The following NELL2 variants were observed in gnomAD, a reference collection of about 807,000 sequenced individuals.
NELL2 encodes protein kinase C-binding protein NELL2.
NELL2 carries 41 observed loss-of-function variants against 109.6 expected under a neutral mutation model. That is an observed-to-expected ratio of 0.37 (90% CI 0.29 to 0.49). The LOEUF is 0.49. NELL2 is among the 20% of genes least tolerant of loss of function. The probability of loss-of-function intolerance (pLI) is 0.98; values close to 1 mark genes in which losing one functional copy is unlikely to be tolerated. For missense variants in NELL2, 900 were observed against 1,008.3 expected (o/e 0.89, Z 1.45); for synonymous variants, 355 against 344.7 (o/e 1.03, Z -0.33).
At chr12:44,516,309 T>C (rs1459921069) in intron 19 of NELL2, among the ~76,000 whole-genome samples, 2 of 152,104 alleles carry the variant, frequency 1.3e-5, no homozygotes, top group African/African-American at 4.8e-5. Context: ...ATATAGCTTG[T>C]TTTATACTTT....
At chr12:44,819,314 G>C (rs993728157) in intron 2 of NELL2, among the ~76,000 whole-genome samples, 3 of 152,190 alleles carry the variant, frequency 2.0e-5, no homozygotes, top group African/African-American at 7.2e-5. Flanking sequence ...CAGACCGCTT[G>C]AGAAGTCTGG....
chr12:44,721,434 G>A (rs1314156117), intron 9 of NELL2, among the ~76,000 whole-genome samples: 3 of 152,064 alleles, frequency 2.0e-5, no homozygotes, highest in African/African-American at 7.2e-5. Context: ...CATGAAGAAA[G>A]GTTTCATTAC....
intron 13 of NELL2, among the ~76,000 whole-genome samples, chr12:44,622,730 T>C (rs935023180): frequency 1.4e-4 from 22 of 152,118 alleles, no homozygotes; most frequent in Admixed American, 3.3e-4. Context: ...AATAGAATGA[T>C]TCCTCCGATT....
intron 15 of NELL2, among the ~76,000 whole-genome samples, chr12:44,574,038 T>C (rs1943971670): frequency 6.6e-6 from 1 of 152,064 alleles, no homozygotes; most frequent in African/African-American, 2.4e-5. Context: ...CATTAAGGGT[T>C]TTTGCTTGTT....
intron 15 of NELL2, among the ~76,000 whole-genome samples, chr12:44,560,863 C>T (rs1189414123): frequency 1.3e-5 from 2 of 152,256 alleles, no homozygotes; most frequent in African/African-American, 4.8e-5. Flanking sequence ...CAAAACCTGG[C>T]AGAGACACAA....
chr12:44,652,553 C>A (rs1361592131), intron 13 of NELL2, among the ~76,000 whole-genome samples: 1 of 152,190 alleles, frequency 6.6e-6, no homozygotes, highest in Non-Finnish European at 1.5e-5. Flanking sequence ...CTCTAACTCT[C>A]TCTACAAACA....
At chr12:44,564,623 T>G (rs773349850) in intron 15 of NELL2, among the ~76,000 whole-genome samples, 2 of 152,154 alleles carry the variant, frequency 1.3e-5, no homozygotes, top group African/African-American at 4.8e-5. Context: ...AAACATGTAA[T>G]GCATATGTGT....
intron 13 of NELL2, among the ~76,000 whole-genome samples, chr12:44,615,651 T>C (rs1367840386): frequency 6.6e-6 from 1 of 152,112 alleles, no homozygotes; most frequent in Admixed American, 6.5e-5. Flanking sequence ...TCTTTATAAT[T>C]ATCCAGAAGT....
intron 13 of NELL2, among the ~76,000 whole-genome samples, chr12:44,638,072 C>G (rs546616627): frequency 3.3e-5 from 5 of 152,038 alleles, no homozygotes; most frequent in African/African-American, 4.8e-5. Context: ...CTCTCACTCC[C>G]GAGAATTTTC....
At chr12:44,587,412 C>T (rs1440745885) in intron 15 of NELL2, among the ~76,000 whole-genome samples, 4 of 149,228 alleles carry the variant, frequency 2.7e-5, no homozygotes, top group East Asian at 3.9e-4. Flanking sequence ...AACTATCAAG[C>T]TTAATCATTT....
At chr12:44,678,091 G>T (rs1438237803) in intron 12 of NELL2, among the ~76,000 whole-genome samples, 1 of 152,140 alleles carries the variant, frequency 6.6e-6, no homozygotes, top group East Asian at 1.9e-4. Flanking sequence ...CAATTAAAAT[G>T]GATACCTGGG....
intron 5 of NELL2, among the ~76,000 whole-genome samples, 170 bp from the exon 6 acceptor site, chr12:44,777,484 A>G (rs540737264): frequency 6.6e-6 from 1 of 152,364 alleles, no homozygotes; most frequent in Admixed American, 6.5e-5. Context: ...AAAGAAATTC[A>G]TCAGGCACAA....
In NELL2 at chr12:44,644,598, A is replaced by ATG. The variant is rs1555190849; in HGVS notation, c.1444+20885_1444+20886insCA. Among the ~76,000 whole-genome samples, 293 of 99,436 alleles carry ATG rather than the reference A, an allele frequency of 2.9e-3. 3 individuals are homozygous for ATG. Among genetic ancestry groups the ATG allele is most frequent in the African/African-American group, 0.013 (282 of 22,106 alleles). 65.2% of individuals were successfully genotyped at this position (99,436 alleles called of 152,430 possible). ...AAGTAAAGTATATATATATATATAT[A>ATG]TATATGTATGTATATATATATATAT... is the stretch of plus-strand genomic sequence containing the variant. On this transcript the variant is annotated intron_variant, in intron 13 of 19. Transcript: ENST00000429094.
Position 44,576,273 on chromosome 12 carries a change from T to C in NELL2, c.1663+30896A>G, listed in dbSNP as rs1302723930. Among the ~76,000 whole-genome samples, 3 of 152,242 alleles carry C rather than the reference T, an allele frequency of 2.0e-5. No individual in the cohort carries two copies. In the South Asian group the frequency reaches 6.2e-4, roughly 31 times the overall value. ...TGTGCAATGCAGCAGCTCTGACTTCTCTGTAAGATTTCGCAGTCATATCTG... is the reference window on the plus strand; with the variant it reads ...TGTGCAATGCAGCAGCTCTGACTTCCCTGTAAGATTTCGCAGTCATATCTG... On this transcript the variant is annotated intron_variant, in intron 15 of 19. Coordinates refer to ENST00000429094, the MANE Select transcript of NELL2 (RefSeq NM_001145108.2).
intron 1 of NELL2, among the ~76,000 whole-genome samples, chr12:44,904,978 A>T (rs1945703853): frequency 6.6e-6 from 1 of 152,138 alleles, no homozygotes; most frequent in African/African-American, 2.4e-5. Context: ...AGTTTTAAGC[A>T]GAGACAAAAG....
chr12:44,682,786 T>C (rs2136374905), intron 12 of NELL2, among the ~76,000 whole-genome samples: 1 of 152,350 alleles, frequency 6.6e-6, no homozygotes, highest in South Asian at 2.1e-4. Flanking sequence ...ATATCTCTGT[T>C]TTGGTACCAG....
intron 15 of NELL2, among the ~76,000 whole-genome samples, chr12:44,598,163 CAAA>C (rs10538007): frequency 0.18 from 21,900 of 122,850 alleles, 1,863 homozygotes; most frequent in African/African-American, 0.29. Flanking sequence ...TTTATTCTCT[CAAA>C]AAAAAAAAAA....
At chr12:44,665,835 C>T (rs936115959) in intron 12 of NELL2, among the ~76,000 whole-genome samples, 12 of 152,160 alleles carry the variant, frequency 7.9e-5, no homozygotes, top group African/African-American at 2.9e-4. Flanking sequence ...TCTATTTTAA[C>T]TTCCATCATC....
intron 13 of NELL2, among the ~76,000 whole-genome samples, chr12:44,657,384 C>T (rs1380697186): frequency 6.6e-6 from 1 of 152,182 alleles, no homozygotes; most frequent in Admixed American, 6.5e-5. Context: ...TGACTCAAAA[C>T]TGAATTTTTC....
Sources: allele counts gnomAD v4.1 joint callset (sites outside exome capture counted in the v4.1 genomes callset), GRCh38; gene constraint gnomAD v4.1.1; transcripts MANE v1.5; gene names NCBI Gene and HGNC (gene_info 2026-07-23, HGNC 2026-07-21).